MSRA: variants seen among roughly 807,000 people sequenced by gnomAD.
The protein encoded by MSRA is methionine sulfoxide reductase A.
A neutral mutation model predicts 31.3 loss-of-function variants in MSRA; 54 were observed. The ratio of observed to expected loss-of-function variants is 1.73; its 90% CI spans 1.39 to 2.17. MSRA has a LOEUF of 2.17. MSRA is among the 30% of genes most tolerant of loss of function. The pLI is 0.00. For synonymous variants in MSRA, 169 were observed against 116.5 expected (o/e 1.45, Z -2.90); for missense variants, 507 against 300.9 (o/e 1.69, Z -5.07).
At chr8:10,307,304 T>C (rs1801193215) in intron 4 of MSRA, among the ~76,000 whole-genome samples, 1 of 151,976 alleles carries the variant, frequency 6.6e-6, no homozygotes, top group African/African-American at 2.4e-5. Context: ...GTAGCTAGGA[T>C]GACAGGTGCA....
chr8:10,319,940 C>G lies in MSRA; in HGVS notation c.494C>G (p.Ser165Cys), dbSNP rs763676899. The G allele has an allele frequency of 5.0e-6, 8 of 1,602,564 alleles. No individual in the cohort carries two copies. The highest frequency in any genetic ancestry group is 6.8e-6 in the Non-Finnish European group (8 of 1,174,880). The change falls in exon 5 of 6, where the codon TCT becomes TGT. Residue 165 changes from serine to cysteine, a missense_variant. Transcript: ENST00000317173. ...TQYRSAIYPT[S>C]AKQMEAALSS... ...TACCGCTCGGCCATCTACCCGACCT[C>G]TGCCAAGCAAATGGAGGCAGCCCTG...
intron 5 of MSRA, among the ~76,000 whole-genome samples, chr8:10,383,957 C>T (rs1241257070): frequency 6.6e-6 from 1 of 152,158 alleles, no homozygotes; most frequent in African/African-American, 2.4e-5. Context: ...TTCCCAGGGG[C>T]TCAGAGGGTG....
intron 2 of MSRA, among the ~76,000 whole-genome samples, chr8:10,226,599 A>G (rs1811022472): frequency 1.3e-5 from 2 of 152,240 alleles, no homozygotes; most frequent in Non-Finnish European, 2.9e-5. Context: ...GAAACCTTAG[A>G]AAAGTCAGTG....
intron 1 of MSRA, among the ~76,000 whole-genome samples, chr8:10,203,249 C>G (rs1301120902): frequency 6.6e-6 from 1 of 152,060 alleles, no homozygotes; most frequent in East Asian, 1.9e-4. Context: ...TCAGTTGAGA[C>G]TAGGTAAATG....
intron 1 of MSRA, among the ~76,000 whole-genome samples, chr8:10,098,688 A>G (rs1799335491): frequency 6.6e-6 from 1 of 152,204 alleles, no homozygotes; most frequent in Non-Finnish European, 1.5e-5. Flanking sequence ...GATTAGTTGT[A>G]TTACACGTAG....
chr8:10,315,102 C>G (rs1401499703), intron 4 of MSRA, among the ~76,000 whole-genome samples: 1 of 152,104 alleles, frequency 6.6e-6, no homozygotes, highest in Non-Finnish European at 1.5e-5. Flanking sequence ...ATAAAACCAT[C>G]AGATCTCATG....
At chr8:10,367,001 C>T (rs752060154) in intron 5 of MSRA, among the ~76,000 whole-genome samples, 60 of 152,148 alleles carry the variant, frequency 3.9e-4, no homozygotes, top group Non-Finnish European at 5.4e-4. Flanking sequence ...GTTTCAGTTA[C>T]CTGTGGTCAG....
chr8:10,132,655 A>T (rs534870517), intron 1 of MSRA, among the ~76,000 whole-genome samples: 9 of 152,350 alleles, frequency 5.9e-5, no homozygotes, highest in Non-Finnish European at 4.4e-5. Context: ...AATCCCATTC[A>T]TGATGGATCC....
At chr8:10,223,686 A>G (rs1470817425) in intron 2 of MSRA, among the ~76,000 whole-genome samples, 1 of 152,222 alleles carries the variant, frequency 6.6e-6, no homozygotes, top group Non-Finnish European at 1.5e-5. Flanking sequence ...GGGACAGAAA[A>G]TGTATTTGAG....
At chr8:10,347,190 C>CT (rs1001259782) in intron 5 of MSRA, among the ~76,000 whole-genome samples, 27 of 152,198 alleles carry the variant, frequency 1.8e-4, no homozygotes, top group African/African-American at 6.0e-4. Flanking sequence ...TGTATCTTCC[C>CT]TAGTCCCTTG....
At chr8:10,349,585 T>C (rs1319834156) in intron 5 of MSRA, among the ~76,000 whole-genome samples, 1 of 152,242 alleles carries the variant, frequency 6.6e-6, no homozygotes, top group Non-Finnish European at 1.5e-5. Flanking sequence ...TCTGTTCCCC[T>C]CTGGGAGCCT....
intron 5 of MSRA, among the ~76,000 whole-genome samples, chr8:10,423,789 C>T (rs558313549): frequency 6.6e-6 from 1 of 152,208 alleles, no homozygotes; most frequent in Non-Finnish European, 1.5e-5. Context: ...TTCTCCCTCC[C>T]ACCATTCCTT....
chr8:10,240,737 TG>T (rs1812337067), intron 2 of MSRA, among the ~76,000 whole-genome samples: 1 of 152,158 alleles, frequency 6.6e-6, no homozygotes, highest in African/African-American at 2.4e-5. Context: ...CCCTTACCCC[TG>T]TCTTTCCTGG....
intron 3 of MSRA, among the ~76,000 whole-genome samples, chr8:10,295,993 C>G (rs1158232157): frequency 6.6e-6 from 1 of 152,150 alleles, no homozygotes; most frequent in Non-Finnish European, 1.5e-5. Flanking sequence ...TAATAAGAAA[C>G]TAGAAAAGAA....
chr8:10,246,861 C>G (rs1418321817), intron 3 of MSRA, among the ~76,000 whole-genome samples: 7 of 152,104 alleles, frequency 4.6e-5, no homozygotes, highest in Non-Finnish European at 1.0e-4. Flanking sequence ...AACGCTTATG[C>G]ATAGCTATAA....
At chr8:10,119,296 G>C (rs1030821269) in intron 1 of MSRA, among the ~76,000 whole-genome samples, 7 of 152,202 alleles carry the variant, frequency 4.6e-5, no homozygotes, top group African/African-American at 1.7e-4. Flanking sequence ...GTCTTTGTCC[G>C]ACAGAAGACT....
chr8:10,054,591 C>G lies in MSRA; in HGVS notation c.75C>G (p.Asn25Lys), dbSNP rs1563377140. ...TCTTTCCCGTCCCGAGGATGGGCAA[C>G]TCGGCCTCGAACATCGTCAGCCCCC... ...HSLFPVPRMG[N>K]SASNIVSPQE... Residue 25 changes from asparagine to lysine, a missense_variant, in exon 1 of 6, where the codon AAC becomes AAG. Physicochemically the swap from Asn to Lys is moderately conservative, Grantham distance 94 (BLOSUM62 0). Transcript: ENST00000317173. 1 of 1,581,792 alleles carries G rather than the reference C, an allele frequency of 6.3e-7. No individual in the cohort carries two copies. The highest frequency in any genetic ancestry group is 8.6e-7 in the Non-Finnish European group (1 of 1,164,630).
Position 10,333,383 on chromosome 8 carries a change from G to GA in MSRA, c.543+13395dup, listed in dbSNP as rs1272025138. ...TTGAAGCCCACAATTTCCTGAAGGT[G>GA]ATGGCTGAGGTGAAGAGCAGGAAAT... is the stretch of plus-strand genomic sequence containing the variant. On this transcript the variant is annotated intron_variant, in intron 5 of 5. Coordinates refer to ENST00000317173, the MANE Select transcript of MSRA (RefSeq NM_012331.5). Among the ~76,000 whole-genome samples the GA allele has an allele frequency of 2.0e-5, 3 of 152,186 alleles. No homozygotes were observed. In the East Asian group the frequency reaches 5.8e-4, roughly 29 times the overall value.
chr8:10,066,792 C>T (rs574499753), intron 1 of MSRA, among the ~76,000 whole-genome samples: 2 of 152,252 alleles, frequency 1.3e-5, no homozygotes, highest in Middle Eastern at 3.4e-3. Flanking sequence ...ACCTCACCCT[C>T]CCAAAGTGCT....
Sources: allele counts gnomAD v4.1 joint callset (sites outside exome capture counted in the v4.1 genomes callset), GRCh38; gene constraint gnomAD v4.1.1; transcripts MANE v1.5; gene names NCBI Gene and HGNC (gene_info 2026-07-23, HGNC 2026-07-21).